The following TEAD1 variants were observed in gnomAD, a reference collection of about 807,000 sequenced individuals.
TEAD1 encodes the protein transcriptional enhancer factor TEF-1.
Under a neutral mutation model 54.9 loss-of-function variants are expected in TEAD1, and 9 were observed. That is an observed-to-expected ratio of 0.16 (90% confidence interval 0.10 to 0.29). TEAD1 has a LOEUF of 0.29. Ranked by LOEUF, TEAD1 falls within the 10% of genes least tolerant of loss-of-function variation. The pLI is 1.00. For missense variants in TEAD1, 387 were observed against 535.9 expected, an observed-to-expected ratio of 0.72 and a Z score of 2.74; for synonymous variants, 200 against 187.8, an observed-to-expected ratio of 1.07 and a Z score of -0.53.
At position 12,759,977 on chromosome 11, in the gene TEAD1, G is replaced by A. The variant is rs113520676; in HGVS notation, c.-54-4202G>A. 2.3e-3 allele frequency among the ~76,000 whole-genome samples: 348 copies of A among 152,364 alleles called. 1 individual carries two copies. Among genetic ancestry groups the A allele is most frequent in the African/African-American group, 7.5e-3 (313 of 41,582 alleles). The stretch of plus-strand genomic sequence containing the variant: ...CACTGCCCATAAGAATCTGAAAGCT[G>A]TTGAACCCGTGAATAAATTCAGAAT... On this transcript the variant is annotated intron_variant, in intron 2 of 12. Transcript: ENST00000527636.
chr11:12,880,110 G>A (rs1406985426), intron 6 of TEAD1, among the ~76,000 whole-genome samples: 1 of 152,130 alleles, frequency 6.6e-6, no homozygotes, highest in Non-Finnish European at 1.5e-5. Flanking sequence ...ATCAGAAGAG[G>A]AAGGAATTCT....
At chr11:12,806,383 A>T (rs1233385636) in intron 3 of TEAD1, among the ~76,000 whole-genome samples, 1 of 152,234 alleles carries the variant, frequency 6.6e-6, no homozygotes, top group East Asian at 1.9e-4. Flanking sequence ...GAACAGATTC[A>T]GGGAAGTGGC....
chr11:12,807,573 A>G (rs1449341487), intron 3 of TEAD1, among the ~76,000 whole-genome samples: 5 of 152,226 alleles, frequency 3.3e-5, no homozygotes, highest in African/African-American at 9.6e-5. Flanking sequence ...ATTGAAAAGT[A>G]TAGGTAAAGG....
chr11:12,740,030 G>A (rs1043185698), intron 2 of TEAD1, among the ~76,000 whole-genome samples: 3 of 152,220 alleles, frequency 2.0e-5, no homozygotes, highest in Non-Finnish European at 4.4e-5. Context: ...AACTTTGTAG[G>A]TGGCGAGGAA....
intron 3 of TEAD1, among the ~76,000 whole-genome samples, chr11:12,778,689 G>A (rs1003410714): frequency 6.6e-6 from 1 of 152,108 alleles, no homozygotes; most frequent in Non-Finnish European, 1.5e-5. Context: ...ATTAGTGAAA[G>A]TTGTTGGTAA....
intron 2 of TEAD1, among the ~76,000 whole-genome samples, chr11:12,708,711 A>G (rs1943870121): frequency 6.6e-6 from 1 of 152,212 alleles, no homozygotes; most frequent in Non-Finnish European, 1.5e-5. Context: ...CTTTATTAAA[A>G]AAGGAAAAGT....
chr11:12,866,376 C>T (rs1947617421), intron 5 of TEAD1, among the ~76,000 whole-genome samples: 2 of 152,170 alleles, frequency 1.3e-5, no homozygotes, highest in Admixed American at 1.3e-4. Context: ...CTCACCAGGG[C>T]ACACAGCCTT....
chr11:12,676,828 A>G (rs1343664428), intron 2 of TEAD1, among the ~76,000 whole-genome samples: 1 of 152,208 alleles, frequency 6.6e-6, no homozygotes, highest in Non-Finnish European at 1.5e-5. Flanking sequence ...ACAGTTAACA[A>G]TTCTTTTATT....
chr11:12,872,218 A>G (rs57513665), intron 5 of TEAD1, among the ~76,000 whole-genome samples: 1 of 152,298 alleles, frequency 6.6e-6, no homozygotes, highest in African/African-American at 2.4e-5. Flanking sequence ...GCCTGTCCAC[A>G]GGGAAGGTAG....
chr11:12,762,656 T>G (rs753010811), intron 2 of TEAD1, among the ~76,000 whole-genome samples: 2 of 152,010 alleles, frequency 1.3e-5, no homozygotes, highest in Non-Finnish European at 2.9e-5. Flanking sequence ...TGCTGCCAAG[T>G]CTACAAAGCT....
At chr11:12,836,292 C>T (rs889443746) in intron 3 of TEAD1, among the ~76,000 whole-genome samples, 17 of 151,824 alleles carry the variant, frequency 1.1e-4, no homozygotes, top group East Asian at 1.9e-4. Flanking sequence ...TGGTGGCGGG[C>T]GCCTGTAGTC....
At chr11:12,776,918 C>T (rs996110913) in intron 3 of TEAD1, among the ~76,000 whole-genome samples, 9 of 151,902 alleles carry the variant, frequency 5.9e-5, no homozygotes, top group South Asian at 4.1e-4. Flanking sequence ...CCTCAGCCTC[C>T]GCAGTGGCTG....
chr11:12,797,883 C>T (rs1201229532), intron 3 of TEAD1, among the ~76,000 whole-genome samples: 1 of 152,160 alleles, frequency 6.6e-6, no homozygotes, highest in African/African-American at 2.4e-5. Flanking sequence ...AGGGACTGAT[C>T]AGTCCCTTAC....
At chr11:12,861,483 G>A (rs1454220126) in intron 3 of TEAD1, among the ~76,000 whole-genome samples, 1 of 152,162 alleles carries the variant, frequency 6.6e-6, no homozygotes, top group Non-Finnish European at 1.5e-5. Context: ...CAGCTCGTTC[G>A]TTCTCTTGTG....
At chr11:12,925,684 G>A (rs1948892557) in intron 11 of TEAD1, among the ~76,000 whole-genome samples, 1 of 152,170 alleles carries the variant, frequency 6.6e-6, no homozygotes, top group Non-Finnish European at 1.5e-5. Flanking sequence ...ACCTTTGCTT[G>A]AGGCCTTGTG....
intron 9 of TEAD1, among the ~76,000 whole-genome samples, chr11:12,885,484 G>A (rs187302385): frequency 0.02 from 2,999 of 152,042 alleles, 75 homozygotes; most frequent in African/African-American, 0.057. Context: ...TGATCTGCCC[G>A]CCTAGGCCTC....
chr11:12,821,245 T>A (rs996329331), intron 3 of TEAD1, among the ~76,000 whole-genome samples: 1 of 152,250 alleles, frequency 6.6e-6, no homozygotes, highest in African/African-American at 2.4e-5. Context: ...CTGATTCTTT[T>A]GGATCAGTGA....
At chr11:12,757,326 T>C (rs1945004267) in intron 2 of TEAD1, among the ~76,000 whole-genome samples, 1 of 152,200 alleles carries the variant, frequency 6.6e-6, no homozygotes. Context: ...TCTTTCCCTG[T>C]AGCTGTCACC....
intron 2 of TEAD1, among the ~76,000 whole-genome samples, chr11:12,719,860 G>C (rs1227215526): frequency 2.0e-5 from 3 of 151,614 alleles, no homozygotes; most frequent in Non-Finnish European, 4.4e-5. Context: ...TGAAAGAGGG[G>C]AGGGCTGAGT....
Sources: allele counts gnomAD v4.1 joint callset (sites outside exome capture counted in the v4.1 genomes callset), GRCh38; gene constraint gnomAD v4.1.1; transcripts MANE v1.5; gene names NCBI Gene and HGNC (gene_info 2026-07-23, HGNC 2026-07-21).